The following SLC4A4 variants were observed in gnomAD, a reference collection of about 807,000 sequenced individuals.
The protein encoded by SLC4A4 is solute carrier family 4 member 4.
Under a neutral mutation model 111.5 loss-of-function variants are expected in SLC4A4, and 27 were observed. The observed-to-expected ratio is 0.24, with a 90% CI of 0.18 to 0.33. The LOEUF is 0.33. SLC4A4 is among the 10% of genes least tolerant of loss of function. The pLI, the probability that SLC4A4 is intolerant of heterozygous loss-of-function variation, is 1.00. For synonymous variants in SLC4A4, 443 were observed against 463.4 expected, an observed-to-expected ratio of 0.96 and a Z score of 0.57; for missense variants, 909 against 1,315.5, an observed-to-expected ratio of 0.69 and a Z score of 4.78.
intron 4 of SLC4A4, 134 bp from the exon 5 acceptor site, chr4:71,349,778 A>G: frequency 1.3e-6 from 1 of 758,920 alleles, no homozygotes; most frequent in Non-Finnish European, 2.3e-6. Flanking sequence ...TAATGATCTA[A>G]TAAGCTATTA....
chr4:71,215,325 G>T (rs1181253387), intron 1 of SLC4A4, among the ~76,000 whole-genome samples: 2 of 152,122 alleles, frequency 1.3e-5, no homozygotes, highest in South Asian at 4.2e-4. Flanking sequence ...CCTGTCCAAG[G>T]TGCAGATGGT....
intron 1 of SLC4A4, among the ~76,000 whole-genome samples, chr4:71,199,966 T>C (rs1224552378): frequency 6.6e-6 from 1 of 152,094 alleles, no homozygotes; most frequent in African/African-American, 2.4e-5. Context: ...GTCTTTTATA[T>C]AAAAACCAGA....
At chr4:71,106,028 C>G (rs1235111794) in intron 2 of SLC4A4, among the ~76,000 whole-genome samples, 1 of 137,834 alleles carries the variant, frequency 7.3e-6, no homozygotes, top group Non-Finnish European at 1.6e-5. Flanking sequence ...ACTCATCTGA[C>G]AAAGGGCTAA....
At chr4:71,156,699 TACATA>T (rs989388431) in intron 2 of SLC4A4, among the ~76,000 whole-genome samples, 2 of 151,784 alleles carry the variant, frequency 1.3e-5, no homozygotes, top group East Asian at 1.9e-4. Context: ...AAAAAAAAGA[TACATA>T]ACATAACAGC....
chr4:71,417,978 C>A (rs922277607), intron 7 of SLC4A4, among the ~76,000 whole-genome samples: 1 of 152,128 alleles, frequency 6.6e-6, no homozygotes, highest in Non-Finnish European at 1.5e-5. Flanking sequence ...ACATTTCTTA[C>A]AAGCTTGCTG....
intron 2 of SLC4A4, among the ~76,000 whole-genome samples, chr4:71,167,008 A>C (rs1402801693): frequency 6.6e-6 from 1 of 152,184 alleles, no homozygotes; most frequent in Non-Finnish European, 1.5e-5. Context: ...TACAACAATA[A>C]GCATTTTATT....
intron 6 of SLC4A4, among the ~76,000 whole-genome samples, chr4:71,357,460 A>G (rs762204235): frequency 2.0e-5 from 3 of 152,142 alleles, no homozygotes; most frequent in Non-Finnish European, 2.9e-5. Context: ...TTTAGTAGTA[A>G]CTCTATGATG....
rs770917126 is a variant in SLC4A4, at chr4:71,497,583, G to T, written c.2057G>T (p.Cys686Phe). 6.2e-7 allele frequency: 1 copy of T among 1,613,300 alleles called. No homozygotes were observed. The highest frequency in any genetic ancestry group is 1.1e-5 in the South Asian group (1 of 91,064). Residue 686 changes from cysteine to phenylalanine, a missense_variant, in exon 16 of 26, where the codon TGT becomes TTT. Around this residue, in one of 7 missense-constraint regions of SLC4A4, gnomAD observed 264 missense variants for 356.8 expected, o/e 0.74. Coordinates refer to ENST00000264485, the MANE Select transcript of SLC4A4 (RefSeq NM_001098484.3). ...GGAGGAAACCTCGTCGGGAACAACT[G>T]TAATTTTGTTCCTGATATCACACTC... ...KYGGNLVGNN[C>F]NFVPDITLMS...
At chr4:71,322,170 A>G (rs1044534300) in intron 3 of SLC4A4, among the ~76,000 whole-genome samples, 2 of 152,098 alleles carry the variant, frequency 1.3e-5, no homozygotes, top group Non-Finnish European at 1.5e-5. Context: ...AAGAACAGGC[A>G]TCCATGTAAC....
chr4:71,489,620 T>C (rs1161938091), intron 15 of SLC4A4, among the ~76,000 whole-genome samples: 3 of 151,798 alleles, frequency 2.0e-5, no homozygotes, highest in Non-Finnish European at 4.4e-5. Context: ...AGAAGTTTAA[T>C]GGAGAGAGGA....
chr4:71,201,955 A>G (rs371247675), intron 1 of SLC4A4, among the ~76,000 whole-genome samples: 3 of 152,320 alleles, frequency 2.0e-5, no homozygotes, highest in Admixed American at 6.5e-5. Flanking sequence ...CCTCCCTCAA[A>G]GTAACTTAGA....
chr4:71,404,752 G>A (rs757728174), intron 7 of SLC4A4, among the ~76,000 whole-genome samples: 1 of 151,956 alleles, frequency 6.6e-6, no homozygotes, highest in Non-Finnish European at 1.5e-5. Flanking sequence ...CTTGAGTACA[G>A]TTTTTAAAAC....
At chr4:71,388,558 A>G (rs1179211244) in intron 6 of SLC4A4, among the ~76,000 whole-genome samples, 2 of 151,992 alleles carry the variant, frequency 1.3e-5, no homozygotes, top group Non-Finnish European at 2.9e-5. Context: ...TCATTCATTC[A>G]TTCATGTTGG....
chr4:71,547,345 A>G (rs1472851310), intron 19 of SLC4A4, among the ~76,000 whole-genome samples: 1 of 152,042 alleles, frequency 6.6e-6, no homozygotes, highest in African/African-American at 2.4e-5. Context: ...CAAAGAGTCC[A>G]GTAATTGATG....
intron 6 of SLC4A4, among the ~76,000 whole-genome samples, chr4:71,364,671 GC>G (rs1731087356): frequency 6.6e-6 from 1 of 152,136 alleles, no homozygotes; most frequent in Non-Finnish European, 1.5e-5. Flanking sequence ...CTTTACAAAG[GC>G]TTCACCTTTT....
chr4:71,171,542 A>T (rs1160988033), intron 2 of SLC4A4, among the ~76,000 whole-genome samples: 1 of 152,204 alleles, frequency 6.6e-6, no homozygotes, highest in Non-Finnish European at 1.5e-5. Context: ...GACATACTTG[A>T]CAACAGTAGC....
chr4:71,309,116 T>C (rs569293587), intron 3 of SLC4A4, among the ~76,000 whole-genome samples: 1 of 152,188 alleles, frequency 6.6e-6, no homozygotes, highest in African/African-American at 2.4e-5. Context: ...TGGACGTAAC[T>C]CAACACAGCA....
rs565053871 is a variant in SLC4A4, at chr4:71,487,343, G to A, written c.1974+325G>A. ...TCACAAGGGAAAATGTGAGAAGTTGGAAAATGAGAGCACAGTATCCTCTCT... is the reference window on the plus strand; with the variant it reads ...TCACAAGGGAAAATGTGAGAAGTTGAAAAATGAGAGCACAGTATCCTCTCT... On this transcript the variant is annotated intron_variant, in intron 15 of 25. Transcript: ENST00000264485. 5.9e-4 allele frequency among the ~76,000 whole-genome samples: 90 copies of A among 151,772 alleles called. No individual in the cohort carries two copies. In the South Asian group the frequency reaches 6.8e-3, roughly 12 times the overall value.
intron 3 of SLC4A4, among the ~76,000 whole-genome samples, chr4:71,336,139 A>G (rs1405103676): frequency 6.6e-6 from 1 of 152,240 alleles, no homozygotes; most frequent in Non-Finnish European, 1.5e-5. Context: ...TACATGAGTG[A>G]ATTGTAAACA....
Sources: gnomAD v4.1 joint callset for allele counts (sites outside exome capture counted in the v4.1 genomes callset) on GRCh38, gnomAD v4.1.1 for gene constraint, gnomAD v4.1.1 regional missense constraint, MANE v1.5 for transcripts, NCBI Gene and HGNC (gene_info 2026-07-23, HGNC 2026-07-21) for gene names.